The following ZFHX3 variants were observed in gnomAD, a reference collection of about 807,000 sequenced individuals.
ZFHX3 encodes the protein zinc finger homeobox protein 3.
A neutral mutation model predicts 279.1 loss-of-function variants in ZFHX3; 42 were observed. That is an observed-to-expected ratio of 0.15 (90% CI 0.12 to 0.19). The LOEUF is 0.19. ZFHX3 is among the 10% of genes least tolerant of loss of function. The pLI is 1.00. For missense variants in ZFHX3, 4,981 were observed against 4,754.0 expected, an observed-to-expected ratio of 1.05 and a Z score of -1.40; for synonymous variants, 2,293 against 1,957.8, an observed-to-expected ratio of 1.17 and a Z score of -4.52.
chr16:73,280,584 C>T (rs1464698221), intron 4 of ZFHX3, among the ~76,000 whole-genome samples: 1 of 151,818 alleles, frequency 6.6e-6, no homozygotes, highest in Non-Finnish European at 1.5e-5. Context: ...TAGTATGACT[C>T]ATATTTTAAA....
At chr16:73,612,575 G>A (rs947756608) in intron 2 of ZFHX3, among the ~76,000 whole-genome samples, 2 of 152,140 alleles carry the variant, frequency 1.3e-5, no homozygotes, top group Admixed American at 1.3e-4. Flanking sequence ...TACTTAAAAT[G>A]GGTGAAATGT....
intron 1 of ZFHX3, among the ~76,000 whole-genome samples, chr16:73,754,312 C>A (rs2053787349): frequency 6.6e-6 from 1 of 152,266 alleles, no homozygotes; most frequent in African/African-American, 2.4e-5. Flanking sequence ...CAATTCAAAA[C>A]TATTTTTCAT....
chr16:72,808,715 G>A (rs2036347128), intron 7 of ZFHX3, among the ~76,000 whole-genome samples: 1 of 152,198 alleles, frequency 6.6e-6, no homozygotes, highest in Non-Finnish European at 1.5e-5. Flanking sequence ...GCCCAGCAGT[G>A]CTTTAGGGAG....
intron 2 of ZFHX3, among the ~76,000 whole-genome samples, chr16:73,602,633 A>T (rs1278356943): frequency 1.3e-5 from 2 of 152,168 alleles, no homozygotes; most frequent in African/African-American, 2.4e-5. Context: ...TTCACACTTT[A>T]TGGAAAAATA....
intron 2 of ZFHX3, among the ~76,000 whole-genome samples, chr16:73,539,873 G>A (rs762236576): frequency 6.6e-6 from 1 of 152,156 alleles, no homozygotes; most frequent in Non-Finnish European, 1.5e-5. Context: ...GAAACTCACT[G>A]CAGCAAGAAA....
Position 73,134,331 on chromosome 16 carries a change from CTTTTT to C in ZFHX3, c.-1023-3242_-1023-3238del, listed in dbSNP as rs58052486. 5.5e-3 allele frequency among the ~76,000 whole-genome samples: 277 copies of C among 50,318 alleles called. 1 individual carries two copies. The highest frequency in any genetic ancestry group is 0.026 in the African/African-American group (257 of 10,044). The allele number at this position is 50,318 out of a possible 152,430, so 33.0% of individuals were successfully genotyped here. A position where few individuals can be genotyped will look rare whatever the true frequency, so the allele number is the denominator to read the frequency against. ...ACCTTCCGTGTTAGTCTCCCCACCT[CTTTTT>C]TTTTTTTTTTTTTTTTTTTTTTTTT... On this transcript the variant is annotated intron_variant, in intron 6 of 17. Transcript: ENST00000641206.
Position 72,787,381 on chromosome 16 carries a change from AAAG to A in ZFHX3, c.10892_10894del (p.Ser3631del). 1.2e-6 allele frequency: 2 copies of A among 1,606,974 alleles called. No homozygotes were observed. Among genetic ancestry groups the A allele is most frequent in the Non-Finnish European group, 1.7e-6 (2 of 1,174,938 alleles). On this transcript the variant is annotated inframe_deletion, in exon 10 of 10. Transcript: ENST00000268489. Reference sequence around the variant, plus strand: ...CGTTGAAGATGAGGAGAGAGGAGGAAAAGAAGGGGGCTTCGCTGCCGAAGCCCG... The same window carrying A: ...CGTTGAAGATGAGGAGAGAGGAGGAAAAGGGGGCTTCGCTGCCGAAGCCCG...
chr16:73,856,299 G>C (rs1961725603), intron 1 of ZFHX3, among the ~76,000 whole-genome samples: 1 of 152,160 alleles, frequency 6.6e-6, no homozygotes, highest in East Asian at 1.9e-4. Context: ...GTCTCACCTT[G>C]ATAATAAGAA....
At chr16:73,088,945 G>A (rs1159594909) in intron 8 of ZFHX3, among the ~76,000 whole-genome samples, 3 of 152,144 alleles carry the variant, frequency 2.0e-5, no homozygotes, top group East Asian at 1.9e-4. Flanking sequence ...GAGAAAGCAC[G>A]AGGCAGAAAG....
At chr16:72,853,778 A>T (rs572524008) in intron 4 of ZFHX3, among the ~76,000 whole-genome samples, 19 of 151,990 alleles carry the variant, frequency 1.3e-4, no homozygotes, top group African/African-American at 1.7e-4. Context: ...TTTTTTTTTT[A>T]AAAGCCAAAA....
At chr16:73,460,405 T>A (rs2018452851) in intron 2 of ZFHX3, among the ~76,000 whole-genome samples, 1 of 152,248 alleles carries the variant, frequency 6.6e-6, no homozygotes, top group Non-Finnish European at 1.5e-5. Context: ...TTTGGGGCTA[T>A]TACAAATCAA....
intron 2 of ZFHX3, among the ~76,000 whole-genome samples, chr16:73,508,601 G>A (rs947397056): frequency 3.3e-5 from 5 of 152,190 alleles, no homozygotes; most frequent in South Asian, 2.1e-4. Context: ...AATAGTGGGA[G>A]CTGAACTTTG....
At chr16:73,073,962 AC>A (rs1399772134) in intron 8 of ZFHX3, among the ~76,000 whole-genome samples, 1 of 152,238 alleles carries the variant, frequency 6.6e-6, no homozygotes, top group Non-Finnish European at 1.5e-5. Flanking sequence ...AATTATGAGT[AC>A]GGAAGGGTAA....
At chr16:73,228,546 C>A (rs1189684332) in intron 5 of ZFHX3, among the ~76,000 whole-genome samples, 3 of 152,048 alleles carry the variant, frequency 2.0e-5, no homozygotes, top group Non-Finnish European at 4.4e-5. Context: ...GCCTGTATTC[C>A]CAGCTACTTG....
At chr16:73,168,211 T>TTTTCTTCTTTC (rs1967423587) in intron 5 of ZFHX3, among the ~76,000 whole-genome samples, 2 of 95,222 alleles carry the variant, frequency 2.1e-5, no homozygotes, top group Admixed American at 1.2e-4. Context: ...GTTTCTTTTG[T>TTTTCTTCTTTC]TTTCTTTCTT....
At chr16:73,431,532 C>T (rs77469268) in intron 3 of ZFHX3, among the ~76,000 whole-genome samples, 1,668 of 152,036 alleles carry the variant, frequency 0.011, 30 homozygotes, top group African/African-American at 0.036. Flanking sequence ...CAGAGGGAGA[C>T]GCTGTCTCAA....
intron 1 of ZFHX3, among the ~76,000 whole-genome samples, chr16:73,803,029 G>A (rs1390443448): frequency 1.3e-5 from 2 of 152,130 alleles, no homozygotes; most frequent in Non-Finnish European, 2.9e-5. Flanking sequence ...TTGAACTCCT[G>A]ACCTCAGGAG....
At chr16:72,933,464 C>T (rs756719) in intron 3 of ZFHX3, among the ~76,000 whole-genome samples, 41,608 of 151,898 alleles carry the variant, frequency 0.27, 6,087 homozygotes, top group African/African-American at 0.34. Context: ...ACATCTCCAA[C>T]CAAGGAGATG....
intron 1 of ZFHX3, among the ~76,000 whole-genome samples, chr16:73,833,452 T>C (rs1209911617): frequency 6.6e-6 from 1 of 152,122 alleles, no homozygotes; most frequent in Non-Finnish European, 1.5e-5. Context: ...ACAGTCTTAA[T>C]CAACTGGGAC....
Sources: gnomAD v4.1 joint callset for allele counts (sites outside exome capture counted in the v4.1 genomes callset) on GRCh38, gnomAD v4.1.1 for gene constraint, MANE v1.5 for transcripts, NCBI Gene and HGNC (gene_info 2026-07-23, HGNC 2026-07-21) for gene names.